Variants in RIMS1 observed in about 807,000 individuals in gnomAD.
RIMS1 encodes the protein regulating synaptic membrane exocytosis 1.
A neutral mutation model predicts 214.1 loss-of-function variants in RIMS1; 83 were observed. The observed-to-expected ratio is 0.39, with a 90% CI of 0.32 to 0.47. The LOEUF (loss-of-function observed/expected upper bound fraction) is 0.47, where lower values mean the gene tolerates loss of function less well. Ranked by LOEUF, RIMS1 falls within the 20% of genes least tolerant of loss-of-function variation. RIMS1 has a pLI of 0.99. For synonymous variants in RIMS1, 793 were observed against 786.8 expected (o/e 1.01, Z -0.13); for missense variants, 2,050 against 2,161.8 (o/e 0.95, Z 1.03).
At position 72,179,670 on chromosome 6, in the gene RIMS1, G is replaced by A. The variant is rs1273656704; in HGVS notation, c.567G>A (p.Gln189=). The A allele has an allele frequency of 6.2e-7, 1 of 1,613,954 alleles. No individual in the cohort carries two copies. The highest frequency in any genetic ancestry group is 1.6e-4 in the Middle Eastern group (1 of 6,062). The change falls in exon 5 of 34, where the codon CAG becomes CAA. Residue 189 remains glutamine (Q), a synonymous_variant. Coordinates refer to ENST00000521978, the MANE Select transcript of RIMS1 (RefSeq NM_014989.7). The part of the protein sequence containing the change: ...FFGSGPQQTS[Q]DGTLSDTATG... ...GAAGTGGCCCTCAGCAGACAAGTCAGGATGGAACCCTGAGTGATACAGCTA... is the reference window on the plus strand; with the variant it reads ...GAAGTGGCCCTCAGCAGACAAGTCAAGATGGAACCCTGAGTGATACAGCTA...
At chr6:72,360,708 A>AT (rs201543437) in intron 29 of RIMS1, among the ~76,000 whole-genome samples, 5 of 144,904 alleles carry the variant, frequency 3.5e-5, no homozygotes, top group African/African-American at 5.2e-5. Flanking sequence ...TGTATACTAT[A>AT]TTTTTTTTAC....
At chr6:71,999,597 A>T (rs1284928195) in intron 2 of RIMS1, among the ~76,000 whole-genome samples, 1 of 152,184 alleles carries the variant, frequency 6.6e-6, no homozygotes, top group African/African-American at 2.4e-5. Context: ...AAACATTGAC[A>T]GCTTGAAATT....
intron 2 of RIMS1, among the ~76,000 whole-genome samples, chr6:72,040,894 T>G (rs1821247701): frequency 6.6e-6 from 1 of 151,830 alleles, no homozygotes; most frequent in South Asian, 2.1e-4. Flanking sequence ...TAATATGGTT[T>G]AAAAAATATT....
intron 28 of RIMS1, among the ~76,000 whole-genome samples, chr6:72,330,838 T>C (rs1176430676): frequency 1.3e-5 from 2 of 151,702 alleles, no homozygotes; most frequent in Non-Finnish European, 3.0e-5. Context: ...TTAGAAGAAA[T>C]GAAAATACCT....
chr6:72,208,106 AG>A (rs2053232399), intron 6 of RIMS1, among the ~76,000 whole-genome samples: 1 of 152,188 alleles, frequency 6.6e-6, no homozygotes, highest in African/African-American at 2.4e-5. Flanking sequence ...GGACACTCAG[AG>A]TGCTTTCTCC....
rs115179336 is a variant in RIMS1, at chr6:72,276,214, C to G, written c.3482+1782C>G. Among the ~76,000 whole-genome samples, 437 of 152,204 alleles carry G rather than the reference C, an allele frequency of 2.9e-3. 3 individuals carry two copies. Among genetic ancestry groups the G allele is most frequent in the African/African-American group, 0.01 (427 of 41,528 alleles). On this transcript the variant is annotated intron_variant, in intron 23 of 33. Transcript: ENST00000521978. Reference sequence around the variant, plus strand: ...TGGGCAACAGAGTGAGAACCTGCCCCCTCCGATCCCCAAGAAAAGAAAAAA... The same window carrying G: ...TGGGCAACAGAGTGAGAACCTGCCCGCTCCGATCCCCAAGAAAAGAAAAAA...
chr6:71,940,665 A>G (rs1345814941), intron 1 of RIMS1, among the ~76,000 whole-genome samples: 1 of 152,220 alleles, frequency 6.6e-6, no homozygotes, highest in African/African-American at 2.4e-5. Context: ...AGGATTTTCA[A>G]GTGCTAGGGT....
Position 72,292,041 on chromosome 6 carries a change from A to G in RIMS1, c.3845A>G (p.Glu1282Gly), listed in dbSNP as rs2154252461. 1 of 1,550,860 alleles carries G rather than the reference A, an allele frequency of 6.4e-7. No individual in the cohort carries two copies. Among genetic ancestry groups the G allele is most frequent in the Admixed American group, 2.0e-5 (1 of 51,214 alleles). Residue 1282 changes from glutamate (E) to glycine (G), a missense_variant, in exon 26 of 34, where the codon GAA becomes GGA. This residue lies in a region of RIMS1 where 889 missense variants were observed against 885.5 expected (regional missense o/e 1.00). Transcript: ENST00000521978. The stretch of plus-strand genomic sequence containing the variant: ...GTGCCAGTGAGAAGCGGCAGTATAG[A>G]ACAAGGTATCCGATAAAGAGAGATC... ...PQVPVRSGSI[E>G]QASLVVEERT...
chr6:72,200,093 A>C (rs1336446555), intron 6 of RIMS1, among the ~76,000 whole-genome samples: 1 of 152,138 alleles, frequency 6.6e-6, no homozygotes, highest in East Asian at 1.9e-4. Flanking sequence ...TTCTTTTATT[A>C]AATTGCAAGT....
intron 29 of RIMS1, among the ~76,000 whole-genome samples, chr6:72,370,544 A>AT (rs1230026574): frequency 1.3e-5 from 2 of 152,098 alleles, no homozygotes; most frequent in African/African-American, 4.8e-5. Context: ...ACTTAGGAAT[A>AT]TTTTTTACTT....
chr6:71,981,313 G>C (rs1322956421), intron 2 of RIMS1, among the ~76,000 whole-genome samples: 1 of 152,050 alleles, frequency 6.6e-6, no homozygotes, highest in African/African-American at 2.4e-5. Flanking sequence ...AAAATCATTT[G>C]CTCATGTTCA....
intron 23 of RIMS1, among the ~76,000 whole-genome samples, chr6:72,280,740 C>G (rs2089693338): frequency 6.6e-6 from 1 of 151,992 alleles, no homozygotes; most frequent in Non-Finnish European, 1.5e-5. Flanking sequence ...TATTTGTTAT[C>G]CAGTTATAGA....
intron 2 of RIMS1, among the ~76,000 whole-genome samples, chr6:72,006,034 G>A (rs571079078): frequency 8.5e-5 from 13 of 152,264 alleles, no homozygotes; most frequent in African/African-American, 2.4e-4. Flanking sequence ...AGCATGGTTG[G>A]GTTCTGGAAG....
At chr6:71,928,495 G>C (rs1782167118) in intron 1 of RIMS1, among the ~76,000 whole-genome samples, 2 of 151,576 alleles carry the variant, frequency 1.3e-5, no homozygotes, top group Non-Finnish European at 2.9e-5. Context: ...TCCTATGGAG[G>C]GTATATTAAA....
At position 72,290,848 on chromosome 6, in the gene RIMS1, C is replaced by T. The variant is rs533157284; in HGVS notation, c.3724C>T (p.Pro1242Ser). The T allele has an allele frequency of 1.2e-6, 2 of 1,612,412 alleles. No individual in the cohort carries two copies. Among genetic ancestry groups the T allele is most frequent in the South Asian group, 1.1e-5 (1 of 90,984 alleles). ...CCCTGGAGGGTCGGCGCCACCTTCT[C>T]CGCTTCTGACAAGGTCGCTATTCAG... ...LVPGGSAPPS[P>S]LLTRMHRQRS... The change falls in exon 25 of 34, where the codon CCG becomes TCG. Residue 1242 changes from proline (P) to serine (S), a missense_variant. By Grantham distance (74) the Pro-to-Ser change is moderately conservative. Coordinates refer to ENST00000521978, the MANE Select transcript of RIMS1 (RefSeq NM_014989.7).
intron 6 of RIMS1, among the ~76,000 whole-genome samples, chr6:72,222,511 T>C (rs902333982): frequency 6.6e-6 from 1 of 152,120 alleles, no homozygotes; most frequent in Non-Finnish European, 1.5e-5. Flanking sequence ...GAAGCAATAT[T>C]TAATAAACAG....
In RIMS1 at chr6:72,372,027, A is replaced by AT. The variant is rs2098236146; in HGVS notation, c.4367-18569dup. On this transcript the variant is annotated intron_variant, in intron 29 of 33. Coordinates refer to ENST00000521978, the MANE Select transcript of RIMS1 (RefSeq NM_014989.7). Reference sequence around the variant, plus strand: ...CTCACAGCAAGTCAGAATGTGGAGTATTAGAATAAAGGCAGCAATCTTAAA... The same window carrying AT: ...CTCACAGCAAGTCAGAATGTGGAGTATTTAGAATAAAGGCAGCAATCTTAAA... Among the ~76,000 whole-genome samples the AT allele has an allele frequency of 3.9e-5, 6 of 152,232 alleles. 1 individual carries two copies. The highest frequency in any genetic ancestry group is 1.4e-4 in the African/African-American group (6 of 41,472).
At chr6:72,230,197 G>C (rs2061514177) in intron 6 of RIMS1, among the ~76,000 whole-genome samples, 1 of 151,728 alleles carries the variant, frequency 6.6e-6, no homozygotes, top group African/African-American at 2.4e-5. Context: ...CCACATGTAT[G>C]TATTTGAAAT....
intron 2 of RIMS1, among the ~76,000 whole-genome samples, chr6:72,079,771 G>A: frequency 6.6e-6 from 1 of 151,960 alleles, no homozygotes; most frequent in Non-Finnish European, 1.5e-5. Flanking sequence ...TGTAGTCCCA[G>A]CTACTTGGGA....
Sources: gnomAD v4.1 joint callset for allele counts (sites outside exome capture counted in the v4.1 genomes callset) on GRCh38, gnomAD v4.1.1 for gene constraint, gnomAD v4.1.1 regional missense constraint, MANE v1.5 for transcripts, NCBI Gene and HGNC (gene_info 2026-07-23, HGNC 2026-07-21) for gene names.